DPP10: variants seen among roughly 807,000 people sequenced by gnomAD.
DPP10 encodes the protein inactive dipeptidyl peptidase 10.
A neutral mutation model predicts 120.9 loss-of-function variants in DPP10; 33 were observed. That is an observed-to-expected ratio of 0.27 (90% CI 0.21 to 0.37). The LOEUF is 0.37. Ranked by LOEUF, DPP10 falls within the 10% of genes least tolerant of loss-of-function variation. The pLI, the probability that DPP10 is intolerant of heterozygous loss-of-function variation, is 1.00. For missense variants in DPP10, 816 were observed against 942.8 expected (o/e 0.87, Z 1.76); for synonymous variants, 337 against 326.1 (o/e 1.03, Z -0.36).
chr2:114,978,256 G>T (rs1347051402), intron 1 of DPP10, among the ~76,000 whole-genome samples: 1 of 152,098 alleles, frequency 6.6e-6, no homozygotes, highest in African/African-American at 2.4e-5. Context: ...AGTGTGACTG[G>T]TGTGAGTGAA....
At chr2:115,603,174 T>C (rs768812425) in intron 5 of DPP10, among the ~76,000 whole-genome samples, 1 of 142,644 alleles carries the variant, frequency 7.0e-6, no homozygotes, top group Non-Finnish European at 1.6e-5. Flanking sequence ...GTGTGTATAG[T>C]CATCTGCAAG....
chr2:115,654,376 T>A (rs1314499109), intron 5 of DPP10, among the ~76,000 whole-genome samples: 1 of 151,920 alleles, frequency 6.6e-6, no homozygotes, highest in Non-Finnish European at 1.5e-5. Context: ...ATAATTCCCT[T>A]ATTAAAATAC....
At chr2:114,869,285 G>T (rs1690490704) in intron 1 of DPP10, among the ~76,000 whole-genome samples, 1 of 152,034 alleles carries the variant, frequency 6.6e-6, no homozygotes, top group Non-Finnish European at 1.5e-5. Context: ...ATTGTGAAAT[G>T]CTCCTTAACT....
chr2:115,199,397 T>C (rs1204381047), intron 1 of DPP10, among the ~76,000 whole-genome samples: 6 of 152,108 alleles, frequency 3.9e-5, no homozygotes, highest in African/African-American at 1.2e-4. Context: ...TTGGAGCCTA[T>C]TGGCTTTTAA....
intron 5 of DPP10, among the ~76,000 whole-genome samples, chr2:115,622,907 A>G (rs1007789378): frequency 2.8e-5 from 4 of 142,922 alleles, no homozygotes; most frequent in East Asian, 4.1e-4. Flanking sequence ...CAGTGGCTCT[A>G]TCTCTGCTCA....
At chr2:115,443,080 A>G (rs529214924) in intron 3 of DPP10, among the ~76,000 whole-genome samples, 156 of 152,304 alleles carry the variant, frequency 1.0e-3, no homozygotes, top group Non-Finnish European at 6.5e-4. Flanking sequence ...CTTTTAAAAA[A>G]TTTACCATTA....
At chr2:115,247,609 A>G (rs2058590067) in intron 1 of DPP10, among the ~76,000 whole-genome samples, 1 of 152,094 alleles carries the variant, frequency 6.6e-6, no homozygotes, top group Admixed American at 6.6e-5. Context: ...GACCTGAGAA[A>G]GGGATCATTA....
chr2:115,324,483 C>T (rs2062237745), intron 2 of DPP10, among the ~76,000 whole-genome samples: 1 of 152,060 alleles, frequency 6.6e-6, no homozygotes, highest in Admixed American at 6.6e-5. Flanking sequence ...CCTCATGAAC[C>T]AATCTCTCTT....
intron 1 of DPP10, among the ~76,000 whole-genome samples, chr2:114,944,174 T>G (rs1017553463): frequency 2.6e-5 from 4 of 152,182 alleles, no homozygotes; most frequent in Non-Finnish European, 5.9e-5. Flanking sequence ...GTTCTTTCCC[T>G]GGGTATGCAC....
At chr2:114,532,432 G>A (rs13407735) in intron 1 of DPP10, among the ~76,000 whole-genome samples, 2,913 of 150,872 alleles carry the variant, frequency 0.019, 37 homozygotes, top group Middle Eastern at 0.085. Flanking sequence ...TGTATGAAAC[G>A]TATGCACAGT....
At chr2:115,108,851 T>C (rs1161285639) in intron 1 of DPP10, among the ~76,000 whole-genome samples, 1 of 152,088 alleles carries the variant, frequency 6.6e-6, no homozygotes, top group Non-Finnish European at 1.5e-5. Flanking sequence ...GGGTTCATGG[T>C]TGAGAAACAG....
chr2:115,156,891 G>C (rs2051951274), intron 1 of DPP10, among the ~76,000 whole-genome samples: 2 of 152,124 alleles, frequency 1.3e-5, no homozygotes, highest in Admixed American at 6.6e-5. Context: ...CTAAAGAGTT[G>C]TGAAAATCAG....
intron 3 of DPP10, among the ~76,000 whole-genome samples, chr2:115,415,841 T>A (rs866228277): frequency 0.012 from 899 of 74,268 alleles, 25 homozygotes; most frequent in African/African-American, 0.043. Flanking sequence ...TGATTTGCTT[T>A]TATATATATA....
chr2:115,823,638 G>A (rs1203488196), intron 21 of DPP10, among the ~76,000 whole-genome samples: 1 of 152,122 alleles, frequency 6.6e-6, no homozygotes, highest in Non-Finnish European at 1.5e-5. Context: ...TATTTTTAGT[G>A]TTTGGGGTTG....
intron 1 of DPP10, among the ~76,000 whole-genome samples, chr2:114,691,810 G>C (rs116592624): frequency 0.011 from 1,657 of 151,882 alleles, 17 homozygotes; most frequent in Non-Finnish European, 0.017. Flanking sequence ...TTCAGTTTTG[G>C]GAGGATATAT....
intron 1 of DPP10, among the ~76,000 whole-genome samples, chr2:115,283,163 G>A (rs886917772): frequency 2.6e-5 from 4 of 151,774 alleles, no homozygotes; most frequent in Non-Finnish European, 4.4e-5. Context: ...CAAAGACAGC[G>A]GGGCTTCCTG....
At chr2:115,807,103 A>G (rs1259659931) in intron 19 of DPP10, among the ~76,000 whole-genome samples, 4 of 152,198 alleles carry the variant, frequency 2.6e-5, no homozygotes, top group African/African-American at 9.6e-5. Context: ...CAGCAACTGA[A>G]AGAAAAGATC....
intron 5 of DPP10, among the ~76,000 whole-genome samples, chr2:115,631,305 T>C (rs2085852539): frequency 6.6e-6 from 1 of 152,132 alleles, no homozygotes; most frequent in Admixed American, 6.6e-5. Context: ...TATATGATTC[T>C]TTTTTCTTCT....
chr2:115,596,738 G>A (rs1485252794), intron 5 of DPP10, among the ~76,000 whole-genome samples: 1 of 152,170 alleles, frequency 6.6e-6, no homozygotes, highest in Non-Finnish European at 1.5e-5. Flanking sequence ...AAAAAATTAT[G>A]TGAGTAAAAT....
Sources: allele counts gnomAD v4.1 joint callset (sites outside exome capture counted in the v4.1 genomes callset), GRCh38; gene constraint gnomAD v4.1.1; transcripts MANE v1.5; gene names NCBI Gene and HGNC (gene_info 2026-07-23, HGNC 2026-07-21).